TANC2: variants seen among roughly 807,000 people sequenced by gnomAD.
The protein encoded by TANC2 is tetratricopeptide repeat, ankyrin repeat and coiled-coil containing 2, also known as protein TANC2.
Under a neutral mutation model 210.5 loss-of-function variants are expected in TANC2, and 26 were observed. That is an observed-to-expected ratio of 0.12 (90% CI 0.09 to 0.17). TANC2 has a LOEUF of 0.17. Among genes scored for constraint, TANC2 ranks in the 10% least tolerant of loss-of-function variants. The pLI, the probability that TANC2 is intolerant of heterozygous loss-of-function variation, is 1.00. For synonymous variants in TANC2, 931 were observed against 967.1 expected (o/e 0.96, Z 0.69); for missense variants, 2,129 against 2,608.9 (o/e 0.82, Z 4.01).
chr17:63,016,105 T>C (rs2034096381), intron 2 of TANC2, among the ~76,000 whole-genome samples: 1 of 152,140 alleles, frequency 6.6e-6, no homozygotes. Flanking sequence ...GTGAGCAAAG[T>C]ACGTAAAACT....
chr17:63,045,216 C>T (rs888791367), intron 2 of TANC2, among the ~76,000 whole-genome samples: 4 of 152,142 alleles, frequency 2.6e-5, no homozygotes, highest in African/African-American at 9.7e-5. Context: ...GTTGAGTAGT[C>T]GTGACAGGGA....
At chr17:63,277,574 C>T (rs2043920309) in intron 9 of TANC2, among the ~76,000 whole-genome samples, 1 of 151,510 alleles carries the variant, frequency 6.6e-6, no homozygotes, top group African/African-American at 2.4e-5. Flanking sequence ...TAGAAATTAG[C>T]AACATTTAAA....
chr17:63,087,049 A>G (rs1044085965), intron 3 of TANC2, among the ~76,000 whole-genome samples: 2 of 152,158 alleles, frequency 1.3e-5, no homozygotes, highest in African/African-American at 2.4e-5. Flanking sequence ...TTCACAATAA[A>G]TCTTGCAGCT....
chr17:63,193,958 A>G (rs994357327), intron 5 of TANC2, 33 bp from the exon 6 acceptor site: 15 of 1,582,304 alleles, frequency 9.5e-6, no homozygotes, highest in Middle Eastern at 1.7e-4. Context: ...TTATTTTGAA[A>G]GATTCATGTT....
rs558640105 is a variant in TANC2 at position 63,170,755 on chromosome 17, T to C, written c.433+19375T>C. Among the ~76,000 whole-genome samples, 18 of 152,294 alleles carry C rather than the reference T, an allele frequency of 1.2e-4. No individual in the cohort carries two copies. The South Asian group carries it at 3.7e-3, about 32-fold the overall frequency. On this transcript the variant is annotated intron_variant, in intron 5 of 27. Transcript: ENST00000689528. ...CGAAATGGTATTATTAACCAGTTGA[T>C]TACTTGTAATACAAAGAAGTTCCCT...
intron 14 of TANC2, among the ~76,000 whole-genome samples, chr17:63,372,957 C>T (rs571108397): frequency 2.8e-5 from 4 of 144,584 alleles, no homozygotes; most frequent in Admixed American, 7.2e-5. Flanking sequence ...TGCAGTAGCA[C>T]GATCACAATT....
At chr17:63,385,522 C>T (rs1224350274) in intron 15 of TANC2, among the ~76,000 whole-genome samples, 1 of 152,198 alleles carries the variant, frequency 6.6e-6, no homozygotes, top group Non-Finnish European at 1.5e-5. Flanking sequence ...ATCAGAACTA[C>T]TTAGTGATGT....
At chr17:63,190,192 T>C (rs2041136395) in intron 5 of TANC2, among the ~76,000 whole-genome samples, 1 of 151,920 alleles carries the variant, frequency 6.6e-6, no homozygotes, top group African/African-American at 2.4e-5. Context: ...TTAAAAAAAT[T>C]ATCCAGGCAT....
intron 9 of TANC2, among the ~76,000 whole-genome samples, chr17:63,274,388 T>G (rs1351992476): frequency 6.6e-6 from 1 of 151,272 alleles, no homozygotes; most frequent in Non-Finnish European, 1.5e-5. Context: ...ATAAAAGTCA[T>G]AGAAGATTGT....
chr17:63,231,569 GA>G (rs1281152742), intron 7 of TANC2, among the ~76,000 whole-genome samples: 2 of 152,156 alleles, frequency 1.3e-5, no homozygotes, highest in Non-Finnish European at 2.9e-5. Flanking sequence ...TTTTCTTTAA[GA>G]ATGTTGAATA....
chr17:63,026,692 CT>C lies in TANC2; in HGVS notation c.67+17070del, dbSNP rs1268677682. On this transcript the variant is annotated intron_variant, in intron 2 of 27. Transcript: ENST00000689528. The stretch of plus-strand genomic sequence containing the variant: ...AACTATTCAGAGATAAAATGTTAAA[CT>C]TTTGCACTAAATTTTGCTTTCAAAT... Among the ~76,000 whole-genome samples, 5 of 152,186 alleles carry C rather than the reference CT, an allele frequency of 3.3e-5. No homozygotes were observed. The East Asian group carries it at 9.7e-4, about 29-fold the overall frequency.
chr17:63,411,780 A>G, intron 22 of TANC2, 94 bp downstream of exon 22: 1 of 1,479,030 alleles, frequency 6.8e-7, no homozygotes, highest in Non-Finnish European at 9.1e-7. Flanking sequence ...TGTATTGATG[A>G]TTCCTGATAC....
intron 5 of TANC2, among the ~76,000 whole-genome samples, chr17:63,173,176 C>T (rs2145586527): frequency 6.6e-6 from 1 of 152,216 alleles, no homozygotes; most frequent in African/African-American, 2.4e-5. Flanking sequence ...AAATATAACA[C>T]ATTTATCCTC....
chr17:63,309,375 A>C (rs1320838121), intron 9 of TANC2, among the ~76,000 whole-genome samples: 1 of 152,212 alleles, frequency 6.6e-6, no homozygotes, highest in East Asian at 1.9e-4. Flanking sequence ...ATATGATTAC[A>C]TGCCAAAAAA....
chr17:63,231,475 A>G (rs1431256115), intron 7 of TANC2, among the ~76,000 whole-genome samples: 1 of 152,128 alleles, frequency 6.6e-6, no homozygotes, highest in African/African-American at 2.4e-5. Flanking sequence ...TTCCTGCAGC[A>G]TTTGCTTGTC....
intron 2 of TANC2, among the ~76,000 whole-genome samples, chr17:63,017,167 A>G (rs559019298): frequency 2.0e-5 from 3 of 152,234 alleles, no homozygotes; most frequent in African/African-American, 7.2e-5. Context: ...TTTCCCTAGC[A>G]CTGTTTTTTG....
At chr17:62,995,891 A>G (rs1347860998) in intron 1 of TANC2, among the ~76,000 whole-genome samples, 4 of 152,208 alleles carry the variant, frequency 2.6e-5, no homozygotes, top group Admixed American at 2.6e-4. Context: ...CCAGGAGTTC[A>G]AGACCACAAT....
At chr17:63,118,601 T>G (rs1183056600) in intron 4 of TANC2, among the ~76,000 whole-genome samples, 1 of 152,144 alleles carries the variant, frequency 6.6e-6, no homozygotes, top group Non-Finnish European at 1.5e-5. Flanking sequence ...CAATTACTTG[T>G]CTTCCTAAGT....
intron 4 of TANC2, among the ~76,000 whole-genome samples, chr17:63,109,287 TA>T (rs2037943658): frequency 6.6e-6 from 1 of 151,518 alleles, no homozygotes; most frequent in African/African-American, 2.4e-5. Flanking sequence ...ACTAAGATAA[TA>T]GAGCAATCTT....
Sources: gnomAD v4.1 joint callset for allele counts (sites outside exome capture counted in the v4.1 genomes callset) on GRCh38, gnomAD v4.1.1 for gene constraint, MANE v1.5 for transcripts, NCBI Gene and HGNC (gene_info 2026-07-23, HGNC 2026-07-21) for gene names.